The following SETBP1 variants were observed in gnomAD, a reference collection of about 807,000 sequenced individuals.
SETBP1 encodes the protein SET-binding protein.
A neutral mutation model predicts 101.0 loss-of-function variants in SETBP1; 9 were observed. The ratio of observed to expected loss-of-function variants is 0.09; its 90% confidence interval spans 0.05 to 0.16. The LOEUF is 0.16. SETBP1 is among the 10% of genes least tolerant of loss of function. SETBP1 has a pLI of 1.00. For synonymous variants in SETBP1, 818 were observed against 788.5 expected, an observed-to-expected ratio of 1.04 and a Z score of -0.63; for missense variants, 1,858 against 2,033.8, an observed-to-expected ratio of 0.91 and a Z score of 1.66.
At chr18:44,882,400 T>C (rs1003245564) in intron 3 of SETBP1, among the ~76,000 whole-genome samples, 1 of 152,046 alleles carries the variant, frequency 6.6e-6, no homozygotes, top group Admixed American at 6.5e-5. Context: ...CGCTAAAGGC[T>C]GATTTGATTC....
At chr18:45,023,561 C>A (rs2073109896) in intron 4 of SETBP1, among the ~76,000 whole-genome samples, 1 of 152,184 alleles carries the variant, frequency 6.6e-6, no homozygotes, top group African/African-American at 2.4e-5. Context: ...GAGAATGTAG[C>A]ATCAAATTGA....
chr18:44,700,259 C>T (rs931678164), intron 1 of SETBP1, among the ~76,000 whole-genome samples: 10 of 152,078 alleles, frequency 6.6e-5, no homozygotes, highest in African/African-American at 1.9e-4. Context: ...TGATTTTTCT[C>T]TTCTCATCTT....
intron 2 of SETBP1, among the ~76,000 whole-genome samples, chr18:44,843,024 G>A (rs1035153668): frequency 1.3e-5 from 2 of 152,382 alleles, no homozygotes; most frequent in East Asian, 3.9e-4. Context: ...CAAAGAGACC[G>A]ATAGCAGCCA....
chr18:44,749,181 C>T (rs992224155), intron 2 of SETBP1, among the ~76,000 whole-genome samples: 1 of 152,212 alleles, frequency 6.6e-6, no homozygotes, highest in Admixed American at 6.5e-5. Context: ...TTATGACCTC[C>T]TCTGCAGCAC....
intron 1 of SETBP1, among the ~76,000 whole-genome samples, chr18:44,692,512 T>C (rs2144138925): frequency 6.6e-6 from 1 of 152,334 alleles, no homozygotes; most frequent in African/African-American, 2.4e-5. Context: ...TTCTCTATGC[T>C]TCCAGCTGTG....
chr18:44,823,070 G>T (rs933337207), intron 2 of SETBP1, among the ~76,000 whole-genome samples: 1 of 152,182 alleles, frequency 6.6e-6, no homozygotes, highest in African/African-American at 2.4e-5. Flanking sequence ...GGTGGAGGTT[G>T]CAGTGAACCT....
intron 3 of SETBP1, among the ~76,000 whole-genome samples, chr18:44,938,088 G>A (rs1377452409): frequency 6.6e-6 from 1 of 152,124 alleles, no homozygotes; most frequent in East Asian, 1.9e-4. Context: ...GCAGGGGAGG[G>A]AGGTGAGGGG....
intron 5 of SETBP1, among the ~76,000 whole-genome samples, chr18:45,044,672 C>T (rs2073573427): frequency 6.6e-6 from 1 of 152,230 alleles, no homozygotes; most frequent in Non-Finnish European, 1.5e-5. Context: ...GCCCCAGCTT[C>T]ATCTCCTTGG....
chr18:44,921,034 CCT>C (rs1407789961), intron 3 of SETBP1, among the ~76,000 whole-genome samples: 3 of 152,172 alleles, frequency 2.0e-5, no homozygotes, highest in African/African-American at 7.2e-5. Context: ...ACCTGGATGA[CCT>C]CTCTGGTTCT....
chr18:44,812,731 A>C (rs981525154), intron 2 of SETBP1, among the ~76,000 whole-genome samples: 15 of 152,280 alleles, frequency 9.9e-5, no homozygotes, highest in African/African-American at 3.4e-4. Context: ...TTGAAAATCA[A>C]GTTTCTATAT....
At chr18:44,873,867 C>A (rs2069335913) in intron 3 of SETBP1, among the ~76,000 whole-genome samples, 1 of 152,080 alleles carries the variant, frequency 6.6e-6, no homozygotes, top group South Asian at 2.1e-4. Flanking sequence ...ACCTGTTACC[C>A]AGTTTCAATG....
In SETBP1 at chr18:44,860,160, C is replaced by A. The variant is rs116701363; in HGVS notation, c.487-9070C>A. 1.5e-3 allele frequency among the ~76,000 whole-genome samples: 224 copies of A among 152,222 alleles called. 1 individual carries two copies. The highest frequency in any genetic ancestry group is 4.9e-3 in the African/African-American group (204 of 41,522). ...TCTGGTCAGTTCTAAGCAGAAATTC[C>A]GTAAATGATGAGAAGAAGAGGAAAG... On this transcript the variant is annotated intron_variant, in intron 2 of 5. Transcript: ENST00000649279.
At chr18:44,696,563 C>T (rs1449590333) in intron 1 of SETBP1, among the ~76,000 whole-genome samples, 1 of 152,176 alleles carries the variant, frequency 6.6e-6, no homozygotes. Flanking sequence ...TACTCTGGAA[C>T]TTATTTGGGT....
At chr18:44,684,250 C>T (rs2068801673) in intron 1 of SETBP1, among the ~76,000 whole-genome samples, 1 of 152,162 alleles carries the variant, frequency 6.6e-6, no homozygotes, top group Non-Finnish European at 1.5e-5. Context: ...AAAGGCAACC[C>T]AGGTGTTTTA....
intron 4 of SETBP1, among the ~76,000 whole-genome samples, chr18:44,955,269 C>T (rs150106020): frequency 9.2e-5 from 14 of 152,320 alleles, no homozygotes; most frequent in African/African-American, 3.1e-4. Context: ...TTTATTAAAA[C>T]TCCTCCTCAT....
rs2073932394 is a variant in SETBP1 at position 45,063,802 on chromosome 18, C to T, written c.*104C>T. On this transcript the variant is annotated 3_prime_UTR_variant, in exon 6 of 6. Coordinates refer to ENST00000649279, the MANE Select transcript of SETBP1 (RefSeq NM_015559.3). Reference sequence around the variant, plus strand: ...CCCCCGCTGCAGGGACACCCACGCCCTTCTCTCCAGAAGCCGGGCAGGCAG... The same window carrying T: ...CCCCCGCTGCAGGGACACCCACGCCTTTCTCTCCAGAAGCCGGGCAGGCAG... 1.5e-6 allele frequency: 2 copies of T among 1,330,650 alleles called. No individual in the cohort carries two copies. The highest frequency in any genetic ancestry group is 1.4e-5 in the South Asian group (1 of 73,654). The allele number at this position is 1,330,650 out of a possible 1,614,324, so 82.4% of individuals were successfully genotyped here.
intron 2 of SETBP1, among the ~76,000 whole-genome samples, chr18:44,794,732 A>G (rs953418867): frequency 6.6e-6 from 1 of 152,102 alleles, no homozygotes; most frequent in Non-Finnish European, 1.5e-5. Context: ...GATTTGCTGG[A>G]CCTCCTACCT....
intron 3 of SETBP1, 128 bp downstream of exon 3, chr18:44,869,411 A>C: frequency 1.2e-6 from 1 of 831,324 alleles, no homozygotes; most frequent in African/African-American, 1.7e-5. Context: ...TCCCTAGCTA[A>C]CTGACAATGA....
At chr18:45,035,118 A>G (rs1437613018) in intron 4 of SETBP1, among the ~76,000 whole-genome samples, 1 of 152,112 alleles carries the variant, frequency 6.6e-6, no homozygotes, top group African/African-American at 2.4e-5. Flanking sequence ...CCAGTACCCC[A>G]TCACCGTCTC....
Sources: allele counts gnomAD v4.1 joint callset (sites outside exome capture counted in the v4.1 genomes callset), GRCh38; gene constraint gnomAD v4.1.1; transcripts MANE v1.5; gene names NCBI Gene and HGNC (gene_info 2026-07-23, HGNC 2026-07-21).